DLC1: variants seen among roughly 807,000 people sequenced by gnomAD.
DLC1 encodes the protein DLC1 Rho GTPase activating protein.
A neutral mutation model predicts 140.3 loss-of-function variants in DLC1; 54 were observed. The observed-to-expected ratio is 0.38, with a 90% confidence interval of 0.31 to 0.48. The LOEUF (loss-of-function observed/expected upper bound fraction) is 0.48. Ranked by LOEUF, DLC1 falls within the 20% of genes least tolerant of loss-of-function variation. DLC1 has a pLI of 0.96. For missense variants in DLC1, 2,536 were observed against 1,907.0 expected (o/e 1.33, Z -6.14); for synonymous variants, 986 against 728.1 (o/e 1.35, Z -5.70).
chr8:13,240,151 G>T (rs939538133), intron 5 of DLC1, among the ~76,000 whole-genome samples: 13 of 152,074 alleles, frequency 8.5e-5, no homozygotes, highest in African/African-American at 2.9e-4. Flanking sequence ...ACCTCAAGTA[G>T]ATGTCTCTGG....
At chr8:13,116,370 A>G (rs1820559271) in intron 5 of DLC1, 1 of 314,622 alleles carries the variant, frequency 3.2e-6, no homozygotes, top group Non-Finnish European at 4.6e-6. Flanking sequence ...GTTAAAACTC[A>G]CTGGAGCACA....
At chr8:13,432,834 G>C (rs1237028677) in intron 2 of DLC1, among the ~76,000 whole-genome samples, 2 of 152,104 alleles carry the variant, frequency 1.3e-5, no homozygotes, top group African/African-American at 4.8e-5. Flanking sequence ...AGACTGCGCT[G>C]ACAAGGAGCT....
intron 2 of DLC1, among the ~76,000 whole-genome samples, chr8:13,411,389 A>T (rs945004175): frequency 2.0e-5 from 3 of 152,178 alleles, no homozygotes; most frequent in Non-Finnish European, 4.4e-5. Flanking sequence ...AAGGCTACCA[A>T]GAAGGAAGGG....
intron 5 of DLC1, among the ~76,000 whole-genome samples, chr8:13,238,561 C>G (rs1563189159): frequency 1.5e-5 from 2 of 132,988 alleles, no homozygotes; most frequent in East Asian, 4.9e-4. Flanking sequence ...GAGCCTTTGC[C>G]CTGTGGGTGT....
Position 13,419,528 on chromosome 8 carries a change from G to A in DLC1, c.1024-17909C>T, listed in dbSNP as rs142630586. 1.0e-3 allele frequency among the ~76,000 whole-genome samples: 158 copies of A among 152,190 alleles called. 1 individual carries two copies. Among genetic ancestry groups the A allele is most frequent in the Admixed American group, 4.8e-3 (73 of 15,278 alleles). ...TGCTGGATTACATTTATTGATTTGC[G>A]TATATTGAACCACCTGGCATCCCAG... On this transcript the variant is annotated intron_variant, in intron 2 of 17. Coordinates refer to ENST00000276297, the MANE Select transcript of DLC1 (RefSeq NM_182643.3).
chr8:13,326,830 T>A (rs2012802), intron 4 of DLC1, among the ~76,000 whole-genome samples: 2,328 of 152,316 alleles, frequency 0.015, 59 homozygotes, highest in African/African-American at 0.053. Context: ...AATCATATTT[T>A]GAGAAGTACC....
At chr8:13,107,907 G>C (rs186798214) in intron 7 of DLC1, among the ~76,000 whole-genome samples, 1 of 152,054 alleles carries the variant, frequency 6.6e-6, no homozygotes. Context: ...TTAGCTGGGC[G>C]TGGTGGTGGG....
At chr8:13,417,974 G>A (rs1838150677) in intron 2 of DLC1, among the ~76,000 whole-genome samples, 1 of 152,116 alleles carries the variant, frequency 6.6e-6, no homozygotes, top group Admixed American at 6.5e-5. Context: ...GTGATGATGA[G>A]CATTTTTTCA....
At chr8:13,408,697 T>G (rs1234287338) in intron 2 of DLC1, among the ~76,000 whole-genome samples, 1 of 152,192 alleles carries the variant, frequency 6.6e-6, no homozygotes, top group African/African-American at 2.4e-5. Flanking sequence ...CTCAGGTCAC[T>G]AAATACATTA....
intron 5 of DLC1, among the ~76,000 whole-genome samples, chr8:13,250,705 G>A (rs982572135): frequency 6.7e-6 from 1 of 149,566 alleles, no homozygotes; most frequent in African/African-American, 2.5e-5. Flanking sequence ...TGCCAGGATA[G>A]AAGAGATTTA....
At chr8:13,521,309 C>T (rs1026984361) in intron 1 of DLC1, among the ~76,000 whole-genome samples, 7 of 151,928 alleles carry the variant, frequency 4.6e-5, no homozygotes, top group Admixed American at 4.6e-4. Context: ...GGGCTTAATA[C>T]CTAGGTTATG....
chr8:13,159,789 C>CACACACTTCCAGGGAGTGTG (rs1824538629), intron 5 of DLC1, among the ~76,000 whole-genome samples: 1 of 149,968 alleles, frequency 6.7e-6, no homozygotes, highest in Non-Finnish European at 1.5e-5. Flanking sequence ...GTGTGTGAAT[C>CACACACTTCCAGGGAGTGTG]TGAAGGGCAA....
At chr8:13,289,536 G>T (rs1831675993) in intron 5 of DLC1, among the ~76,000 whole-genome samples, 1 of 151,810 alleles carries the variant, frequency 6.6e-6, no homozygotes, top group Non-Finnish European at 1.5e-5. Flanking sequence ...TCACTATGTT[G>T]CCCAGGCTGG....
chr8:13,358,994 AG>A (rs5889439), intron 4 of DLC1, among the ~76,000 whole-genome samples: 72,027 of 151,918 alleles, frequency 0.47, 17,919 homozygotes, highest in East Asian at 0.81. Context: ...GCTGGAGTGC[AG>A]TGGCGCGATC....
chr8:13,542,266 A>G (rs1170282176), intron 1 of DLC1, among the ~76,000 whole-genome samples: 1 of 152,140 alleles, frequency 6.6e-6, no homozygotes, highest in Non-Finnish European at 1.5e-5. Flanking sequence ...TTTTATGCCT[A>G]TGTATGTACA....
At chr8:13,267,040 G>A (rs1021061848) in intron 5 of DLC1, among the ~76,000 whole-genome samples, 4 of 152,174 alleles carry the variant, frequency 2.6e-5, no homozygotes, top group African/African-American at 7.2e-5. Flanking sequence ...TGACATGCAC[G>A]TGCTAATTTC....
In DLC1 at chr8:13,344,270, G is replaced by A. The variant is rs1834209490; in HGVS notation, c.1315-38968C>T. ...GCACTTTGGGAGGCTGAGGCAGAGG[G>A]ATCACCTAAGATCAGGAGTTTGAGA... is the stretch of plus-strand genomic sequence containing the variant. On this transcript the variant is annotated intron_variant, in intron 4 of 17. Coordinates refer to ENST00000276297, the MANE Select transcript of DLC1 (RefSeq NM_182643.3). 2.0e-5 allele frequency among the ~76,000 whole-genome samples: 3 copies of A among 152,220 alleles called. No homozygotes were observed. The South Asian group carries it at 6.2e-4, about 32-fold the overall frequency.
chr8:13,399,821 G>A (rs1007088894), intron 3 of DLC1, among the ~76,000 whole-genome samples: 7 of 152,024 alleles, frequency 4.6e-5, no homozygotes, highest in Middle Eastern at 3.2e-3. Context: ...TTCTTCTGGC[G>A]TTTTCTCATA....
At chr8:13,579,097 GC>G (rs1804949952) in intron 1 of DLC1, among the ~76,000 whole-genome samples, 2 of 150,754 alleles carry the variant, frequency 1.3e-5, no homozygotes, top group African/African-American at 4.9e-5. Flanking sequence ...GGAGCTCTGT[GC>G]CAGACTCTCC....
Sources: gnomAD v4.1 joint callset for allele counts (sites outside exome capture counted in the v4.1 genomes callset) on GRCh38, gnomAD v4.1.1 for gene constraint, MANE v1.5 for transcripts, NCBI Gene and HGNC (gene_info 2026-07-23, HGNC 2026-07-21) for gene names.